LTBP1: variants seen among roughly 807,000 people sequenced by gnomAD.
The protein encoded by LTBP1 is latent transforming growth factor beta binding protein 1.
In LTBP1, 129 loss-of-function variants were observed where a neutral mutation model predicts 207.6. That is an observed-to-expected ratio of 0.62 (90% confidence interval 0.54 to 0.72). LTBP1 has a LOEUF of 0.72. LTBP1 is among the 30% of genes least tolerant of loss of function. The pLI is 0.00. For synonymous variants in LTBP1, 963 were observed against 833.7 expected, an observed-to-expected ratio of 1.16 and a Z score of -2.67; for missense variants, 2,281 against 2,217.2, an observed-to-expected ratio of 1.03 and a Z score of -0.58.
At chr2:33,397,931 G>A (rs184766966) in intron 33 of LTBP1, among the ~76,000 whole-genome samples, 3 of 152,236 alleles carry the variant, frequency 2.0e-5, no homozygotes, top group East Asian at 1.9e-4. Context: ...TTTCAAGTGA[G>A]TGAGAGCCTA....
At chr2:33,316,635 A>G (rs723042) in intron 24 of LTBP1, among the ~76,000 whole-genome samples, 102,388 of 152,044 alleles carry the variant, frequency 0.67, 36,365 homozygotes, top group Non-Finnish European at 0.79. Context: ...AAGCATCATA[A>G]TAATGTGGGT....
intron 5 of LTBP1, among the ~76,000 whole-genome samples, chr2:33,172,335 A>G (rs1572968275): frequency 1.3e-5 from 2 of 152,294 alleles, no homozygotes; most frequent in Admixed American, 1.3e-4. Context: ...GAAAACAAAA[A>G]AAGGCAGGGG....
At chr2:33,120,682 G>A (rs978725377) in intron 4 of LTBP1, among the ~76,000 whole-genome samples, 1 of 152,134 alleles carries the variant, frequency 6.6e-6, no homozygotes, top group Non-Finnish European at 1.5e-5. Flanking sequence ...AAGGTAGAAC[G>A]ATTTATATTC....
chr2:33,333,608 G>A (rs563976634), intron 24 of LTBP1, among the ~76,000 whole-genome samples: 1 of 152,288 alleles, frequency 6.6e-6, no homozygotes, highest in Admixed American at 6.5e-5. Context: ...TAGCAAGTTG[G>A]TATTTGGTGA....
intron 15 of LTBP1, among the ~76,000 whole-genome samples, chr2:33,267,825 A>C (rs969147975): frequency 6.6e-6 from 1 of 152,216 alleles, no homozygotes; most frequent in Non-Finnish European, 1.5e-5. Context: ...TAACAAATTG[A>C]AGTTACTCAG....
At chr2:33,125,766 G>A (rs2081398441) in intron 4 of LTBP1, among the ~76,000 whole-genome samples, 1 of 151,610 alleles carries the variant, frequency 6.6e-6, no homozygotes, top group Non-Finnish European at 1.5e-5. Context: ...GGAGGTGGAG[G>A]TTGCAGTGAG....
At chr2:33,382,363 G>A (rs2095226337) in intron 31 of LTBP1, among the ~76,000 whole-genome samples, 1 of 152,042 alleles carries the variant, frequency 6.6e-6, no homozygotes, top group African/African-American at 2.4e-5. Context: ...CCAAAGTGCT[G>A]GGATTATAGG....
intron 5 of LTBP1, among the ~76,000 whole-genome samples, chr2:33,159,525 T>A (rs569859472): frequency 1.3e-5 from 2 of 152,228 alleles, no homozygotes; most frequent in African/African-American, 4.8e-5. Context: ...AAAATAATAC[T>A]TTCAAATAAT....
chr2:33,050,183 A>G (rs1286923690), intron 3 of LTBP1, among the ~76,000 whole-genome samples: 1 of 118,902 alleles, frequency 8.4e-6, no homozygotes, highest in African/African-American at 3.4e-5. Flanking sequence ...AGAACGGTGT[A>G]TGATCCAAAT....
intron 2 of LTBP1, among the ~76,000 whole-genome samples, chr2:32,974,788 G>A (rs1018443591): frequency 4.6e-5 from 7 of 152,134 alleles, no homozygotes; most frequent in Non-Finnish European, 8.8e-5. Context: ...AAATGGGTAG[G>A]TATCTTGAAG....
chr2:33,109,426 T>C (rs189356933), intron 3 of LTBP1, among the ~76,000 whole-genome samples: 1 of 152,346 alleles, frequency 6.6e-6, no homozygotes, highest in East Asian at 1.9e-4. Flanking sequence ...ACAATTTCAG[T>C]AGCAATTTTG....
intron 22 of LTBP1, among the ~76,000 whole-genome samples, chr2:33,308,132 A>C (rs933669281): frequency 6.6e-6 from 1 of 152,214 alleles, no homozygotes; most frequent in Non-Finnish European, 1.5e-5. Context: ...TAATAACTTA[A>C]ATCCTCACAT....
chr2:33,103,509 C>T (rs576745336), intron 3 of LTBP1, among the ~76,000 whole-genome samples: 3 of 151,900 alleles, frequency 2.0e-5, no homozygotes, highest in East Asian at 3.9e-4. Context: ...CAGCCTGTTA[C>T]CTCCTAATTC....
intron 32 of LTBP1, among the ~76,000 whole-genome samples, chr2:33,395,399 C>T (rs1338499868): frequency 6.6e-6 from 1 of 152,154 alleles, no homozygotes; most frequent in East Asian, 1.9e-4. Flanking sequence ...CCCAAGTTTA[C>T]AAGGTACACA....
At chr2:33,208,740 T>C in intron 7 of LTBP1, among the ~76,000 whole-genome samples, 1 of 152,172 alleles carries the variant, frequency 6.6e-6, no homozygotes, top group East Asian at 1.9e-4. Context: ...GCAAGTAGTC[T>C]GTCCTTACAA....
intron 9 of LTBP1, among the ~76,000 whole-genome samples, chr2:33,240,619 G>T (rs1212744994): frequency 6.7e-6 from 1 of 149,206 alleles, no homozygotes; most frequent in East Asian, 2.0e-4. Context: ...GGGGCACAAA[G>T]AACCTTCTCA....
At chr2:33,011,521 G>C (rs533323120) in intron 2 of LTBP1, among the ~76,000 whole-genome samples, 1 of 152,098 alleles carries the variant, frequency 6.6e-6, no homozygotes, top group Non-Finnish European at 1.5e-5. Flanking sequence ...CAGACACAGA[G>C]GGAAGACCGA....
intron 3 of LTBP1, among the ~76,000 whole-genome samples, chr2:33,090,771 A>C (rs182907395): frequency 6.6e-6 from 1 of 152,328 alleles, no homozygotes; most frequent in Admixed American, 6.5e-5. Context: ...TTAACTCTAA[A>C]GTCCAACTAT....
chr2:33,184,770 C>T (rs1444264123), intron 5 of LTBP1, among the ~76,000 whole-genome samples: 2 of 132,274 alleles, frequency 1.5e-5, no homozygotes, highest in Non-Finnish European at 3.1e-5. Flanking sequence ...TTCCCTCATT[C>T]AGTATTTTCT....
Sources: allele counts gnomAD v4.1 joint callset (sites outside exome capture counted in the v4.1 genomes callset), GRCh38; gene constraint gnomAD v4.1.1; transcripts MANE v1.5; gene names NCBI Gene and HGNC (gene_info 2026-07-23, HGNC 2026-07-21).